The following RP1 variants were observed in gnomAD, a reference collection of about 807,000 sequenced individuals.
The protein encoded by RP1 is RP1 axonemal microtubule associated.
RP1 carries 16 observed loss-of-function variants against 14.8 expected under a neutral mutation model. The ratio of observed to expected loss-of-function variants is 1.08; its 90% CI spans 0.73 to 1.65. The LOEUF (loss-of-function observed/expected upper bound fraction) is 1.65, where lower values mean the gene tolerates loss of function less well. Ranked by LOEUF, RP1 falls within the 40% of genes most tolerant of loss-of-function variation. RP1 has a pLI of 0.00. For synonymous variants in RP1, 876 were observed against 883.6 expected, an observed-to-expected ratio of 0.99 and a Z score of 0.15; for missense variants, 2,631 against 2,535.0, an observed-to-expected ratio of 1.04 and a Z score of -0.81.
At chr8:54,563,513 A>G (rs1286035112) in intron 1 of RP1, among the ~76,000 whole-genome samples, 1 of 134,788 alleles carries the variant, frequency 7.4e-6, no homozygotes, top group Non-Finnish European at 1.6e-5. Context: ...AGTGTCAGCT[A>G]TTATTACTAT....
intron 1 of RP1, among the ~76,000 whole-genome samples, chr8:54,566,748 G>A (rs903978540): frequency 8.5e-5 from 13 of 152,136 alleles, no homozygotes; most frequent in South Asian, 2.1e-4. Context: ...ACCAGACCCT[G>A]AGCCTCCACC....
chr8:54,861,963 G>C (rs999824420), intron 27 of RP1, among the ~76,000 whole-genome samples: 2 of 152,108 alleles, frequency 1.3e-5, no homozygotes, highest in Non-Finnish European at 2.9e-5. Flanking sequence ...TCCCAACTGG[G>C]GGCAAATTTG....
At chr8:54,662,083 C>A (rs1471689154) in intron 6 of RP1, among the ~76,000 whole-genome samples, 1 of 151,982 alleles carries the variant, frequency 6.6e-6, no homozygotes, top group Non-Finnish European at 1.5e-5. Flanking sequence ...ATAATCAGTA[C>A]CCGTGTCATC....
At chr8:54,563,331 C>T (rs1804327680) in intron 1 of RP1, among the ~76,000 whole-genome samples, 1 of 152,202 alleles carries the variant, frequency 6.6e-6, no homozygotes, top group Non-Finnish European at 1.5e-5. Flanking sequence ...CAGAGCCTCT[C>T]TCAGAAGGAA....
chr8:54,593,246 ATTTC>A (rs1805078974), intron 1 of RP1, among the ~76,000 whole-genome samples: 1 of 151,732 alleles, frequency 6.6e-6, no homozygotes, highest in African/African-American at 2.4e-5. Context: ...AGGTCTAGAG[ATTTC>A]TTTCTTCAAA....
At chr8:54,621,713 G>A in intron 2 of RP1, 132 bp downstream of exon 2, 1 of 1,302,804 alleles carries the variant, frequency 7.7e-7, no homozygotes, top group Non-Finnish European at 1.1e-6. Context: ...GTGAGTGTGT[G>A]TGCTCCGATG....
At chr8:54,726,901 C>T (rs937271663) in intron 17 of RP1, among the ~76,000 whole-genome samples, 1 of 151,858 alleles carries the variant, frequency 6.6e-6, no homozygotes, top group Admixed American at 6.6e-5. Flanking sequence ...GGCTTAAATT[C>T]CTAGTTTCTA....
At chr8:54,755,854 G>A in intron 21 of RP1, 1 of 1,247,822 alleles carries the variant, frequency 8.0e-7, no homozygotes, top group Non-Finnish European at 1.1e-6. Context: ...AAAGGCGTTT[G>A]GCACTCTTCA....
At chr8:54,665,844 C>T (rs1208169353) in intron 7 of RP1, among the ~76,000 whole-genome samples, 4 of 152,126 alleles carry the variant, frequency 2.6e-5, no homozygotes, top group Admixed American at 2.0e-4. Context: ...AAATGTAACC[C>T]ATGGAAATCG....
At chr8:54,812,304 C>T (rs943010143) in intron 24 of RP1, among the ~76,000 whole-genome samples, 2 of 152,138 alleles carry the variant, frequency 1.3e-5, no homozygotes, top group African/African-American at 4.8e-5. Context: ...TCATGCCTGG[C>T]TGATTTTTGT....
chr8:54,717,386 A>G (rs924239934), intron 15 of RP1, among the ~76,000 whole-genome samples: 9 of 152,214 alleles, frequency 5.9e-5, no homozygotes, highest in Non-Finnish European at 8.8e-5. Flanking sequence ...ATGAGAATAT[A>G]TTAGTTAAAT....
intron 27 of RP1, among the ~76,000 whole-genome samples, chr8:54,861,016 G>A (rs1468047972): frequency 1.3e-5 from 2 of 152,168 alleles, no homozygotes; most frequent in African/African-American, 2.4e-5. Context: ...CCCAGTTAAA[G>A]CAAGTGAAAA....
At chr8:54,559,475 G>T (rs1804235216) in intron 1 of RP1, among the ~76,000 whole-genome samples, 1 of 152,166 alleles carries the variant, frequency 6.6e-6, no homozygotes. Context: ...ATATGCCAAA[G>T]ATGGTAAAGC....
At chr8:54,699,604 A>G (rs1168435380) in intron 13 of RP1, 2 of 1,027,388 alleles carry the variant, frequency 1.9e-6, no homozygotes, top group Non-Finnish European at 2.7e-6. Flanking sequence ...CCATATATCA[A>G]TAGTATTATG....
intron 14 of RP1, among the ~76,000 whole-genome samples, chr8:54,704,422 AG>A (rs2129344480): frequency 6.6e-6 from 1 of 152,322 alleles, no homozygotes; most frequent in African/African-American, 2.4e-5. Context: ...ATATGAGCAT[AG>A]TTTATGTCCC....
intron 7 of RP1, among the ~76,000 whole-genome samples, chr8:54,670,938 A>G (rs578025130): frequency 2.6e-5 from 4 of 151,258 alleles, no homozygotes; most frequent in Admixed American, 6.6e-5. Flanking sequence ...CTGGGCTCAA[A>G]CTTCATATTT....
intron 1 of RP1, among the ~76,000 whole-genome samples, chr8:54,579,204 T>C (rs1279960047): frequency 6.6e-6 from 1 of 152,166 alleles, no homozygotes; most frequent in Admixed American, 6.5e-5. Flanking sequence ...AGATTTCCAC[T>C]TGGTGTTATC....
At chr8:54,664,139 G>A (rs1222431198) in intron 7 of RP1, among the ~76,000 whole-genome samples, 3 of 152,162 alleles carry the variant, frequency 2.0e-5, no homozygotes, top group African/African-American at 7.2e-5. Context: ...AAATAATATA[G>A]TAATTGTCTT....
At chr8:54,833,268 A>C (rs1811575814) in intron 24 of RP1, among the ~76,000 whole-genome samples, 1 of 151,830 alleles carries the variant, frequency 6.6e-6, no homozygotes, top group Admixed American at 6.6e-5. Flanking sequence ...GTTGTTTCTC[A>C]TAGAATTGGA....
Sources: allele counts gnomAD v4.1 joint callset (sites outside exome capture counted in the v4.1 genomes callset), GRCh38; gene constraint gnomAD v4.1.1; transcripts MANE v1.5; gene names NCBI Gene and HGNC (gene_info 2026-07-23, HGNC 2026-07-21).